INVS: variants seen among roughly 807,000 people sequenced by gnomAD.
INVS encodes inversin, also known as inversion of embryo turning homolog.
INVS carries 86 observed loss-of-function variants against 108.8 expected under a neutral mutation model. The observed-to-expected ratio is 0.79, with a 90% confidence interval of 0.66 to 0.95. The LOEUF is 0.95. INVS is among the 40% of genes least tolerant of loss of function. The pLI is 0.00. For missense variants in INVS, 1,169 were observed against 1,297.4 expected (o/e 0.90, Z 1.52); for synonymous variants, 455 against 473.5 (o/e 0.96, Z 0.51).
At chr9:100,117,028 A>G (rs547066018) in intron 2 of INVS, 8 of 1,420,146 alleles carry the variant, frequency 5.6e-6, no homozygotes, top group East Asian at 4.7e-5. Context: ...AGACAATGCC[A>G]GTGCCCCTGG....
At chr9:100,252,686 T>G (rs1230293663) in intron 9 of INVS, among the ~76,000 whole-genome samples, 1 of 152,200 alleles carries the variant, frequency 6.6e-6, no homozygotes, top group Non-Finnish European at 1.5e-5. Flanking sequence ...GGGGACTGAT[T>G]CCTAGCCAGT....
At chr9:100,161,364 CAAAAAAAAAAAAAAAA>C (rs35392930) in intron 3 of INVS, among the ~76,000 whole-genome samples, 192 of 12,390 alleles carry the variant, frequency 0.015, 4 homozygotes, top group Non-Finnish European at 0.025. Context: ...ACTTCCATCT[CAAAAAAAAAAAAAAAA>C]AAAAAAAAAA....
chr9:100,208,871 T>C (rs902356465), intron 3 of INVS, among the ~76,000 whole-genome samples: 20 of 152,296 alleles, frequency 1.3e-4, no homozygotes, highest in African/African-American at 3.4e-4. Context: ...ATACTACTTT[T>C]ATGATGAGAG....
chr9:100,283,352 T>C (rs1833336232), intron 12 of INVS, among the ~76,000 whole-genome samples: 1 of 152,206 alleles, frequency 6.6e-6, no homozygotes, highest in African/African-American at 2.4e-5. Context: ...TATCATATAT[T>C]AGGTCTTTGT....
chr9:100,217,183 C>A (rs1263773982), intron 3 of INVS, among the ~76,000 whole-genome samples: 4 of 152,136 alleles, frequency 2.6e-5, no homozygotes, highest in Admixed American at 1.3e-4. Context: ...GGGGCACACA[C>A]CTATAATCCC....
At chr9:100,285,374 A>G (rs1833407435) in intron 13 of INVS, among the ~76,000 whole-genome samples, 1 of 152,198 alleles carries the variant, frequency 6.6e-6, no homozygotes. Context: ...ATTTATCATT[A>G]GCTTTCAGAA....
At chr9:100,108,450 T>G (rs1183104867) in intron 2 of INVS, among the ~76,000 whole-genome samples, 1 of 152,236 alleles carries the variant, frequency 6.6e-6, no homozygotes, top group African/African-American at 2.4e-5. Flanking sequence ...ATTTGTATAT[T>G]TGTGCAAAAA....
intron 3 of INVS, among the ~76,000 whole-genome samples, chr9:100,146,884 C>T (rs1228661567): frequency 2.6e-5 from 4 of 152,176 alleles, no homozygotes; most frequent in Non-Finnish European, 5.9e-5. Flanking sequence ...ATAGTGCTTC[C>T]GTCAACGTAG....
At chr9:100,176,528 G>A (rs1476609434) in intron 3 of INVS, among the ~76,000 whole-genome samples, 1 of 152,090 alleles carries the variant, frequency 6.6e-6, no homozygotes, top group Admixed American at 6.6e-5. Flanking sequence ...CTGGGCTAGA[G>A]TGCAGTGGTG....
chr9:100,300,556 T>G lies in INVS; in HGVS notation c.3092-12T>G, dbSNP rs1289626467. 7.9e-6 allele frequency: 12 copies of G among 1,517,224 alleles called. No individual in the cohort carries two copies. The highest frequency in any genetic ancestry group is 1.1e-5 in the Non-Finnish European group (12 of 1,091,904). The allele number at this position is 1,517,224 out of a possible 1,614,324, so 94.0% of individuals were successfully genotyped here. On this transcript the variant is annotated splice_polypyrimidine_tract_variant and intron_variant, in intron 16 of 16. Transcript: ENST00000262457. ...ATAACCTTAATATCTATCTGGTATT[T>G]GTTTTTAACAGTGAGCAACCTACAG...
At chr9:100,141,064 A>G (rs1828411973) in intron 3 of INVS, among the ~76,000 whole-genome samples, 1 of 152,174 alleles carries the variant, frequency 6.6e-6, no homozygotes, top group Admixed American at 6.5e-5. Flanking sequence ...TTGGAGAAAC[A>G]GTGTAAACCA....
chr9:100,144,131 C>T lies in INVS; in HGVS notation c.273+17582C>T, dbSNP rs779559385. On this transcript the variant is annotated intron_variant, in intron 3 of 16. Coordinates refer to ENST00000262457, the MANE Select transcript of INVS (RefSeq NM_014425.5). ...CCTGGGCTGCGGGCATTCCTTGTCC[C>T]GGTGGCCAGATGTCCGGCACTTGTA... Among the ~76,000 whole-genome samples, 45 of 151,980 alleles carry T rather than the reference C, an allele frequency of 3.0e-4. 1 individual carries two copies. Among genetic ancestry groups the T allele is most frequent in the Non-Finnish European group, 5.3e-4 (36 of 68,016 alleles).
At chr9:100,114,401 T>A (rs997664077) in intron 2 of INVS, among the ~76,000 whole-genome samples, 1 of 135,616 alleles carries the variant, frequency 7.4e-6, no homozygotes, top group African/African-American at 2.8e-5. Flanking sequence ...CTTTTTTTTT[T>A]TTTTTTTTTT....
rs191030361 is a variant in INVS, at chr9:100,153,897, G to C, written c.273+27348G>C. Among the ~76,000 whole-genome samples the C allele has an allele frequency of 3.7e-3, 570 of 152,270 alleles. 4 individuals carry two copies. Among genetic ancestry groups the C allele is most frequent in the African/African-American group, 0.012 (519 of 41,558 alleles). On this transcript the variant is annotated intron_variant, in intron 3 of 16. Transcript: ENST00000262457. ...GCCCCAATGGCCTAATCACCTGTTA[G>C]GGATCCCACCTCGATACTGTCATAA...
chr9:100,254,950 G>T (rs1307561083), intron 10 of INVS, among the ~76,000 whole-genome samples: 1 of 152,170 alleles, frequency 6.6e-6, no homozygotes, highest in African/African-American at 2.4e-5. Flanking sequence ...CCAATTCTGT[G>T]AAGAAAGTCA....
At chr9:100,223,659 A>G (rs1249574981) in intron 3 of INVS, among the ~76,000 whole-genome samples, 1 of 152,246 alleles carries the variant, frequency 6.6e-6, no homozygotes, top group Admixed American at 6.5e-5. Flanking sequence ...TAGGTACTAG[A>G]ATAAAGAATA....
At chr9:100,182,301 A>G (rs1390169253) in intron 3 of INVS, among the ~76,000 whole-genome samples, 3 of 152,246 alleles carry the variant, frequency 2.0e-5, no homozygotes, top group African/African-American at 7.2e-5. Context: ...GGCACAGCAA[A>G]AGACACTATC....
intron 13 of INVS, among the ~76,000 whole-genome samples, chr9:100,289,329 T>C (rs1178515998): frequency 6.6e-6 from 1 of 152,262 alleles, no homozygotes; most frequent in African/African-American, 2.4e-5. Context: ...AGTCTCTTCA[T>C]TGCCTTCCCA....
At chr9:100,101,444 C>T (rs1209654949) in intron 1 of INVS, 2 of 152,026 alleles carry the variant, frequency 1.3e-5, no homozygotes, top group African/African-American at 2.4e-5. Context: ...TTAATATAAT[C>T]CTGGATATGA....
Sources: gnomAD v4.1 joint callset for allele counts (sites outside exome capture counted in the v4.1 genomes callset) on GRCh38, gnomAD v4.1.1 for gene constraint, MANE v1.5 for transcripts, NCBI Gene and HGNC (gene_info 2026-07-23, HGNC 2026-07-21) for gene names.